Variants in VEPH1 observed in about 807,000 individuals in gnomAD.
VEPH1 encodes ventricular zone-expressed PH domain-containing protein homolog 1.
VEPH1 carries 80 observed loss-of-function variants against 85.2 expected under a neutral mutation model. The observed-to-expected ratio is 0.94, with a 90% CI of 0.78 to 1.13. The LOEUF (loss-of-function observed/expected upper bound fraction) is 1.13, where lower values mean the gene tolerates loss of function less well. Ranked by LOEUF, VEPH1 falls within the 50% of genes most tolerant of loss-of-function variation. The pLI is 0.00. For synonymous variants in VEPH1, 297 were observed against 348.0 expected, an observed-to-expected ratio of 0.85 and a Z score of 1.63; for missense variants, 955 against 980.5, an observed-to-expected ratio of 0.97 and a Z score of 0.35.
At chr3:157,272,170 C>T (rs990849045) in intron 12 of VEPH1, among the ~76,000 whole-genome samples, 1 of 151,980 alleles carries the variant, frequency 6.6e-6, no homozygotes, top group Non-Finnish European at 1.5e-5. Flanking sequence ...AAGAGAAGAA[C>T]CAGCAGGAGC....
intron 3 of VEPH1, 95 bp downstream of exon 3, chr3:157,470,219 G>A: frequency 2.7e-6 from 3 of 1,122,824 alleles, no homozygotes; most frequent in Non-Finnish European, 2.6e-6. Flanking sequence ...GTATCTAAAT[G>A]CTGCAGAAGC....
intron 6 of VEPH1, among the ~76,000 whole-genome samples, chr3:157,406,032 C>A (rs954075977): frequency 6.6e-6 from 1 of 152,130 alleles, no homozygotes; most frequent in Non-Finnish European, 1.5e-5. Context: ...TTTCCTTATA[C>A]TTTGTAAGAG....
rs1482428932 is a variant in VEPH1, at chr3:157,289,648, C to T, written c.2011-2974G>A. Among the ~76,000 whole-genome samples the T allele has an allele frequency of 3.3e-5, 5 of 152,206 alleles. No homozygotes were observed. In the South Asian group the frequency reaches 1.0e-3, roughly 32 times the overall value. On this transcript the variant is annotated intron_variant, in intron 11 of 13. Coordinates refer to ENST00000362010, the MANE Select transcript of VEPH1 (RefSeq NM_001167912.2). ...TTAAATGTGCTTGAGGTCAGTAGTT[C>T]TCTCTCCTACTCAACCTTCTTTACC...
chr3:157,262,332 T>C (rs954690624), intron 13 of VEPH1, among the ~76,000 whole-genome samples: 2 of 152,174 alleles, frequency 1.3e-5, no homozygotes, highest in African/African-American at 4.8e-5. Context: ...TTAATAATTA[T>C]TAAGCTTGGC....
At chr3:157,489,628 T>C (rs1397689425) in intron 2 of VEPH1, among the ~76,000 whole-genome samples, 1 of 152,170 alleles carries the variant, frequency 6.6e-6, no homozygotes, top group African/African-American at 2.4e-5. Context: ...AGCACTTACT[T>C]ATAATCTTCT....
chr3:157,408,366 T>C (rs760186777), intron 6 of VEPH1, among the ~76,000 whole-genome samples: 4 of 152,106 alleles, frequency 2.6e-5, no homozygotes, highest in Non-Finnish European at 5.9e-5. Flanking sequence ...TCCACACTAA[T>C]ATTTCCTCCT....
At chr3:157,363,337 C>T (rs200909749) in intron 9 of VEPH1, 27 bp downstream of exon 9, 4 of 1,522,528 alleles carry the variant, frequency 2.6e-6, no homozygotes, top group African/African-American at 2.8e-5. Context: ...TGAAGTTTCT[C>T]AGGTTTGGGA....
At chr3:157,455,769 C>T (rs559614345) in intron 4 of VEPH1, among the ~76,000 whole-genome samples, 152 of 152,216 alleles carry the variant, frequency 1.0e-3, no homozygotes, top group African/African-American at 3.4e-3. Context: ...CTCTTTTTTA[C>T]GGCTGCATAG....
intron 9 of VEPH1, 145 bp downstream of exon 9, chr3:157,363,219 C>T: frequency 2.1e-6 from 1 of 475,772 alleles, no homozygotes; most frequent in Non-Finnish European, 3.3e-6. Flanking sequence ...AAAAAAAAAA[C>T]TAACATAATG....
chr3:157,375,849 C>T (rs1462193066), intron 7 of VEPH1, among the ~76,000 whole-genome samples: 2 of 152,124 alleles, frequency 1.3e-5, no homozygotes, highest in Non-Finnish European at 2.9e-5. Context: ...TAATCACTAC[C>T]ACCATCACTA....
chr3:157,317,172 A>T lies in VEPH1; in HGVS notation c.1765T>A (p.Phe589Ile). The part of the protein sequence containing the change: ...DTVRSCVAKL[F>I]FTCSLKGHYC... ...TGACCCTTCAGGGAGCAGGTGAAGA[A>T]CAACTTTGCTACACAACTTCTCACA... Residue 589 changes from phenylalanine to isoleucine, a missense_variant, in exon 10 of 14, where the codon TTC (phenylalanine) becomes ATC (isoleucine). Physicochemically the swap from Phe to Ile is conservative, Grantham distance 21. Coordinates refer to ENST00000362010, the MANE Select transcript of VEPH1 (RefSeq NM_001167912.2). 6.2e-7 allele frequency: 1 copy of T among 1,612,248 alleles called. No individual in the cohort carries two copies. The highest frequency in any genetic ancestry group is 8.5e-7 in the Non-Finnish European group (1 of 1,179,124).
At chr3:157,473,204 C>CCTCA (rs1420719918) in intron 2 of VEPH1, among the ~76,000 whole-genome samples, 3 of 150,982 alleles carry the variant, frequency 2.0e-5, no homozygotes, top group Non-Finnish European at 4.4e-5. Context: ...TCTGGAGTAG[C>CCTCA]TGGGACTATA....
chr3:157,393,711 C>T (rs1730099660), intron 6 of VEPH1, among the ~76,000 whole-genome samples: 1 of 152,094 alleles, frequency 6.6e-6, no homozygotes, highest in Non-Finnish European at 1.5e-5. Flanking sequence ...CATCTGTGAG[C>T]CCCTTCCTAC....
rs116372594 is a variant in VEPH1 at position 157,469,808 on chromosome 3, T to C, written c.354+506A>G. On this transcript the variant is annotated intron_variant, in intron 3 of 13. Coordinates refer to ENST00000362010, the MANE Select transcript of VEPH1 (RefSeq NM_001167912.2). ...GCTGAGCCAAAACTCCAAATTCACA[T>C]TTATACCAGAGGAAATAATTAACTG... Among the ~76,000 whole-genome samples the C allele has an allele frequency of 9.3e-3, 1,410 of 152,252 alleles. 19 individuals carry two copies. Among genetic ancestry groups the C allele is most frequent in the African/African-American group, 0.032 (1,328 of 41,528 alleles).
intron 12 of VEPH1, among the ~76,000 whole-genome samples, chr3:157,278,949 G>C (rs1447543319): frequency 6.6e-6 from 1 of 152,162 alleles, no homozygotes; most frequent in Non-Finnish European, 1.5e-5. Flanking sequence ...TCTGGAGTCT[G>C]AGGTGGGATG....
intron 7 of VEPH1, among the ~76,000 whole-genome samples, chr3:157,365,475 C>T (rs900705286): frequency 6.6e-6 from 1 of 152,086 alleles, no homozygotes; most frequent in African/African-American, 2.4e-5. Flanking sequence ...ACCCTCTAGA[C>T]ACCAACTGGG....
chr3:157,373,101 C>T (rs1727696474), intron 7 of VEPH1, among the ~76,000 whole-genome samples: 1 of 152,158 alleles, frequency 6.6e-6, no homozygotes, highest in Non-Finnish European at 1.5e-5. Flanking sequence ...GAGGCTGACC[C>T]TATTAGTAAC....
chr3:157,488,891 G>A (rs1214815997), intron 2 of VEPH1, among the ~76,000 whole-genome samples: 2 of 145,412 alleles, frequency 1.4e-5, no homozygotes, highest in Non-Finnish European at 3.0e-5. Context: ...AGTTTTTCAG[G>A]CCAAAAATCT....
chr3:157,407,658 G>A (rs566602422), intron 6 of VEPH1, among the ~76,000 whole-genome samples: 2 of 152,244 alleles, frequency 1.3e-5, no homozygotes, highest in Admixed American at 1.3e-4. Flanking sequence ...TTTCCTTGGA[G>A]AAGCAGAGGC....
Sources: allele counts gnomAD v4.1 joint callset (sites outside exome capture counted in the v4.1 genomes callset), GRCh38; gene constraint gnomAD v4.1.1; transcripts MANE v1.5; gene names NCBI Gene and HGNC (gene_info 2026-07-23, HGNC 2026-07-21).